The following CDH18 variants were observed in gnomAD, a reference collection of about 807,000 sequenced individuals.
CDH18 encodes cadherin-18.
A neutral mutation model predicts 67.9 loss-of-function variants in CDH18; 31 were observed. That is an observed-to-expected ratio of 0.46 (90% CI 0.34 to 0.62). The LOEUF (loss-of-function observed/expected upper bound fraction) is 0.62. CDH18 is among the 20% of genes least tolerant of loss of function. The pLI is 0.01. For synonymous variants in CDH18, 362 were observed against 347.2 expected (o/e 1.04, Z -0.48); for missense variants, 890 against 975.5 (o/e 0.91, Z 1.17).
chr5:19,648,283 C>T (rs983532313), intron 5 of CDH18, among the ~76,000 whole-genome samples: 6 of 151,998 alleles, frequency 3.9e-5, no homozygotes, highest in African/African-American at 1.4e-4. Context: ...GATGTGGTGG[C>T]GCCCAGCTTT....
intron 2 of CDH18, among the ~76,000 whole-genome samples, chr5:20,254,574 A>C (rs1374374011): frequency 6.6e-6 from 1 of 152,192 alleles, no homozygotes; most frequent in Non-Finnish European, 1.5e-5. Flanking sequence ...AGGGAGTACT[A>C]AGCATGGAAC....
At chr5:19,788,679 GAC>G (rs1472460208) in intron 3 of CDH18, among the ~76,000 whole-genome samples, 1 of 152,094 alleles carries the variant, frequency 6.6e-6, no homozygotes, top group Non-Finnish European at 1.5e-5. Context: ...AGTTATAGAA[GAC>G]ACATAATTTT....
At chr5:20,263,010 A>C (rs976572346) in intron 1 of CDH18, among the ~76,000 whole-genome samples, 1 of 28,344 alleles carries the variant, frequency 3.5e-5, no homozygotes, top group Non-Finnish European at 6.6e-5. Context: ...GAGGGGAGGG[A>C]GGGGAGGGAA....
chr5:19,894,422 G>C (rs1279944851), intron 2 of CDH18, among the ~76,000 whole-genome samples: 7 of 151,858 alleles, frequency 4.6e-5, no homozygotes, highest in African/African-American at 1.7e-4. Context: ...AATAGACATA[G>C]TAAACAAATG....
chr5:19,729,003 T>C (rs1421464266), intron 4 of CDH18, among the ~76,000 whole-genome samples: 11 of 152,144 alleles, frequency 7.2e-5, no homozygotes, highest in Non-Finnish European at 1.5e-4. Context: ...AGTCACTGAA[T>C]TGAAAAGAAA....
intron 2 of CDH18, among the ~76,000 whole-genome samples, chr5:20,003,915 CA>C (rs1736665151): frequency 1.3e-5 from 2 of 152,070 alleles, no homozygotes; most frequent in African/African-American, 2.4e-5. Context: ...AACAAACAAA[CA>C]AAAACAAACA....
chr5:20,488,442 A>G (rs1329962591), intron 1 of CDH18, among the ~76,000 whole-genome samples: 1 of 152,002 alleles, frequency 6.6e-6, no homozygotes, highest in African/African-American at 2.4e-5. Context: ...GAATCTTCAT[A>G]AAGGGAGCTT....
At chr5:20,137,915 A>G (rs1749877124) in intron 2 of CDH18, among the ~76,000 whole-genome samples, 1 of 152,084 alleles carries the variant, frequency 6.6e-6, no homozygotes, top group South Asian at 2.1e-4. Flanking sequence ...TTCCTTCTGA[A>G]ACAACTCCAA....
intron 1 of CDH18, among the ~76,000 whole-genome samples, chr5:20,383,805 C>T (rs934832541): frequency 3.3e-5 from 5 of 151,968 alleles, no homozygotes; most frequent in East Asian, 1.9e-4. Context: ...CATAGTAATA[C>T]GAAAATGTAT....
intron 2 of CDH18, among the ~76,000 whole-genome samples, chr5:20,032,063 C>A (rs2150453734): frequency 6.6e-6 from 1 of 152,036 alleles, no homozygotes; most frequent in Admixed American, 6.6e-5. Context: ...AAAATATAAG[C>A]CCCTTTTAAA....
chr5:19,866,427 G>T (rs1785505690), intron 2 of CDH18, among the ~76,000 whole-genome samples: 1 of 152,140 alleles, frequency 6.6e-6, no homozygotes. Flanking sequence ...ATCAAGGAAG[G>T]AATTCTGAAG....
intron 8 of CDH18, among the ~76,000 whole-genome samples, chr5:19,555,340 T>C (rs1441224259): frequency 2.6e-5 from 4 of 152,194 alleles, no homozygotes; most frequent in Admixed American, 2.0e-4. Context: ...GTGAGTTGGC[T>C]TGCTTTCTCA....
chr5:19,773,944 C>T (rs1319346900), intron 3 of CDH18, among the ~76,000 whole-genome samples: 2 of 152,106 alleles, frequency 1.3e-5, no homozygotes, highest in Admixed American at 6.6e-5. Context: ...TAAACACATA[C>T]ACCTATGAAA....
At chr5:19,787,319 G>GTA (rs1775907423) in intron 3 of CDH18, among the ~76,000 whole-genome samples, 1 of 152,014 alleles carries the variant, frequency 6.6e-6, no homozygotes, top group Non-Finnish European at 1.5e-5. Flanking sequence ...GGGCGTGGTG[G>GTA]TGCGCACCTG....
At chr5:19,621,679 G>T (rs1433752792) in intron 5 of CDH18, among the ~76,000 whole-genome samples, 2 of 152,092 alleles carry the variant, frequency 1.3e-5, no homozygotes, top group African/African-American at 4.8e-5. Context: ...GAGTGAGAGG[G>T]AAATGAGTTG....
At chr5:19,706,618 C>T (rs1265634578) in intron 5 of CDH18, among the ~76,000 whole-genome samples, 2 of 152,188 alleles carry the variant, frequency 1.3e-5, no homozygotes, top group Non-Finnish European at 2.9e-5. Flanking sequence ...TCAGGACAGT[C>T]TTCTGCCTGT....
intron 1 of CDH18, among the ~76,000 whole-genome samples, chr5:20,374,628 G>A (rs539637817): frequency 4.6e-5 from 7 of 152,116 alleles, no homozygotes; most frequent in Non-Finnish European, 1.0e-4. Context: ...ATATAAACCA[G>A]GCTTTTCAGA....
intron 5 of CDH18, among the ~76,000 whole-genome samples, chr5:19,638,369 T>C (rs1013214654): frequency 6.6e-6 from 1 of 152,184 alleles, no homozygotes; most frequent in Non-Finnish European, 1.5e-5. Flanking sequence ...TACCATCTAA[T>C]AGAACCACAA....
Position 20,362,302 on chromosome 5 carries a change from GA to G in CDH18, c.-579-106798del, listed in dbSNP as rs370129335. On this transcript the variant is annotated intron_variant, in intron 1 of 14. Transcript: ENST00000507958. ...AATGCAAAATGGGACTGGGCTCAAT[GA>G]AAAAAATGATTTTAGATGATAAATT... Among the ~76,000 whole-genome samples the G allele has an allele frequency of 2.4e-4, 36 of 152,086 alleles. No individual in the cohort carries two copies. The East Asian group carries it at 6.4e-3, about 27-fold the overall frequency.
Sources: gnomAD v4.1 joint callset for allele counts (sites outside exome capture counted in the v4.1 genomes callset) on GRCh38, gnomAD v4.1.1 for gene constraint, MANE v1.5 for transcripts, NCBI Gene and HGNC (gene_info 2026-07-23, HGNC 2026-07-21) for gene names.